STAG1: variants seen among roughly 807,000 people sequenced by gnomAD.
STAG1 encodes cohesin subunit SA-1.
STAG1 carries 26 observed loss-of-function variants against 170.9 expected under a neutral mutation model. The ratio of observed to expected loss-of-function variants is 0.15; its 90% CI spans 0.11 to 0.21. STAG1 has a LOEUF of 0.21. Ranked by LOEUF, STAG1 falls within the 10% of genes least tolerant of loss-of-function variation. STAG1 has a pLI of 1.00. For missense variants in STAG1, 964 were observed against 1,509.5 expected, an observed-to-expected ratio of 0.64 and a Z score of 5.99; for synonymous variants, 514 against 497.7, an observed-to-expected ratio of 1.03 and a Z score of -0.44.
At chr3:136,481,832 T>C (rs1185699932) in intron 9 of STAG1, among the ~76,000 whole-genome samples, 1 of 74,330 alleles carries the variant, frequency 1.3e-5, no homozygotes, top group Non-Finnish European at 2.7e-5. Context: ...TCGAGGAATG[T>C]ATCCATTTCT....
chr3:136,440,199 G>A (rs1294746706), intron 15 of STAG1, among the ~76,000 whole-genome samples: 5 of 152,076 alleles, frequency 3.3e-5, no homozygotes, highest in South Asian at 4.1e-4. Flanking sequence ...GGGCAGTGGC[G>A]CAATCCTGGC....
intron 1 of STAG1, among the ~76,000 whole-genome samples, chr3:136,671,299 GCA>G (rs146540384): frequency 1.3e-5 from 2 of 151,380 alleles, no homozygotes; most frequent in Non-Finnish European, 2.9e-5. Context: ...TAAAAAGAAA[GCA>G]CACACACACA....
intron 5 of STAG1, among the ~76,000 whole-genome samples, chr3:136,555,457 G>A (rs1261198580): frequency 6.6e-6 from 1 of 152,068 alleles, no homozygotes; most frequent in Non-Finnish European, 1.5e-5. Context: ...GCTAAGGCAA[G>A]CAGATCACTG....
chr3:136,733,269 A>T (rs1934146759), intron 1 of STAG1, among the ~76,000 whole-genome samples: 1 of 151,566 alleles, frequency 6.6e-6, no homozygotes, highest in African/African-American at 2.4e-5. Flanking sequence ...ATTTTTTTGT[A>T]GAGACAGGGT....
chr3:136,696,750 T>C (rs532747006), intron 1 of STAG1, among the ~76,000 whole-genome samples: 1 of 152,310 alleles, frequency 6.6e-6, no homozygotes, highest in Admixed American at 6.5e-5. Context: ...AAATGCACTG[T>C]GCTTAATAAA....
rs939833094 is a variant in STAG1 at position 136,502,832 on chromosome 3, A to G, written c.677-53T>C. ...CTATGAATCAAAACTTTATCCATAT[A>G]AGATTACAAATTTATAAAGCCAATG... On this transcript the variant is annotated intron_variant, in intron 7 of 33. Coordinates refer to ENST00000383202, the MANE Select transcript of STAG1 (RefSeq NM_005862.3). The G allele has an allele frequency of 5.9e-6, 8 of 1,352,938 alleles. No homozygotes were observed. In the Admixed American group the frequency reaches 2.1e-4, roughly 35 times the overall value. 83.8% of individuals were successfully genotyped at this position (1,352,938 alleles called of 1,614,324 possible).
intron 5 of STAG1, among the ~76,000 whole-genome samples, chr3:136,560,081 G>T (rs1176273696): frequency 6.6e-6 from 1 of 152,112 alleles, no homozygotes; most frequent in Non-Finnish European, 1.5e-5. Flanking sequence ...CAGCGAACTG[G>T]GTTAAGTTCA....
rs141351338 is a variant in STAG1 at position 136,738,832 on chromosome 3, TATTA to T, written c.-84+13359_-84+13362del. ...AAATAAATATGTGAAGAAAAGTATA[TATTA>T]ATTAATTAGCATGATTTAGCCATTC... On this transcript the variant is annotated intron_variant, in intron 1 of 33. Transcript: ENST00000383202. Among the ~76,000 whole-genome samples the T allele has an allele frequency of 9.1e-3, 1,384 of 152,286 alleles. 26 individuals carry two copies. Among genetic ancestry groups the T allele is most frequent in the African/African-American group, 0.03 (1,232 of 41,550 alleles).
Position 136,343,925 on chromosome 3 carries a change from G to T in STAG1, c.3353C>A (p.Thr1118Lys). The change falls in exon 30 of 34, where the codon ACA becomes AAA. Residue 1118 changes from threonine to lysine, a missense_variant. Physicochemically the swap from Thr to Lys is moderately conservative, Grantham distance 78 (BLOSUM62 -1). Around this residue, in one of 11 missense-constraint regions of STAG1, gnomAD observed 122 missense variants for 129.0 expected, o/e 0.95. Transcript: ENST00000383202. ...ACTGTTCTCCCGCAGTACAGTGGAT[G>T]TGAGTTGTGGTGCTGGCAGGGGGCC... ...TPGPLPAPQLTSTVLRENSRP... is the reference protein window; with the variant it reads ...TPGPLPAPQLKSTVLRENSRP... The T allele has an allele frequency of 1.9e-6, 3 of 1,612,198 alleles. No homozygotes were observed. Among genetic ancestry groups the T allele is most frequent in the Non-Finnish European group, 2.5e-6 (3 of 1,179,212 alleles).
intron 1 of STAG1, among the ~76,000 whole-genome samples, chr3:136,657,087 G>C (rs1941405070): frequency 6.6e-6 from 1 of 150,440 alleles, no homozygotes; most frequent in Non-Finnish European, 1.5e-5. Context: ...TAAGAACTAT[G>C]AGAAGAATTG....
chr3:136,575,881 A>G (rs1400193001), intron 4 of STAG1, among the ~76,000 whole-genome samples: 1 of 152,198 alleles, frequency 6.6e-6, no homozygotes, highest in East Asian at 1.9e-4. Context: ...GAAGTAGAGA[A>G]ATGGAGTCTC....
intron 16 of STAG1, among the ~76,000 whole-genome samples, chr3:136,424,438 G>A (rs776595949): frequency 3.3e-5 from 5 of 151,194 alleles, no homozygotes; most frequent in Non-Finnish European, 5.9e-5. Context: ...GGGTTTGAGC[G>A]ATTCTCCTGC....
Position 136,651,376 on chromosome 3 carries a change from T to A in STAG1, c.-83-20395A>T, listed in dbSNP as rs868507788. Among the ~76,000 whole-genome samples the A allele has an allele frequency of 5.9e-3, 721 of 121,900 alleles. 6 individuals are homozygous for A. The highest frequency in any genetic ancestry group is 0.017 in the African/African-American group (586 of 34,110). 80.0% of individuals were successfully genotyped at this position (121,900 alleles called of 152,430 possible). ...GCAAGACCCTATCTCACCAAAAATT[T>A]AAAAAAAAAAAAAAAAAAGAATCAT... is the stretch of plus-strand genomic sequence containing the variant. On this transcript the variant is annotated intron_variant, in intron 1 of 33. Transcript: ENST00000383202.
chr3:136,540,175 A>C (rs1935822139), intron 6 of STAG1, among the ~76,000 whole-genome samples: 1 of 152,128 alleles, frequency 6.6e-6, no homozygotes, highest in South Asian at 2.1e-4. Context: ...CATTTAAACC[A>C]AGTTTCTCGG....
Position 136,719,259 on chromosome 3 carries a change from A to G in STAG1, c.-84+32936T>C, listed in dbSNP as rs144974536. ...AAACATTGCTAAATAAAAGCCAAACATAAGAGCATATAAATGATTCCAATT... is the reference window on the plus strand; with the variant it reads ...AAACATTGCTAAATAAAAGCCAAACGTAAGAGCATATAAATGATTCCAATT... On this transcript the variant is annotated intron_variant, in intron 1 of 33. Transcript: ENST00000383202. Among the ~76,000 whole-genome samples, 19 of 152,314 alleles carry G rather than the reference A, an allele frequency of 1.2e-4. No individual in the cohort carries two copies. The East Asian group carries it at 3.3e-3, about 26-fold the overall frequency.
At chr3:136,407,849 T>A (rs1044851069) in intron 21 of STAG1, among the ~76,000 whole-genome samples, 16 of 147,744 alleles carry the variant, frequency 1.1e-4, no homozygotes, top group Admixed American at 9.0e-4. Context: ...TGAGCCGAGA[T>A]CACGCCACTG....
chr3:136,515,367 AAAC>A (rs1006571572), intron 7 of STAG1, among the ~76,000 whole-genome samples: 36 of 152,206 alleles, frequency 2.4e-4, no homozygotes, highest in African/African-American at 7.2e-4. Flanking sequence ...TCCATCTCAA[AAAC>A]AACAACAACA....
intron 25 of STAG1, among the ~76,000 whole-genome samples, chr3:136,366,335 T>A (rs1473265229): frequency 6.6e-6 from 1 of 152,116 alleles, no homozygotes; most frequent in Non-Finnish European, 1.5e-5. Context: ...ATGGCAGTCA[T>A]TCATTATCAG....
intron 29 of STAG1, among the ~76,000 whole-genome samples, chr3:136,344,787 T>A (rs1936149431): frequency 1.3e-5 from 2 of 151,962 alleles, no homozygotes; most frequent in Non-Finnish European, 2.9e-5. Flanking sequence ...CTCATTTTTA[T>A]ATTTTTAGGA....
Sources: allele counts gnomAD v4.1 joint callset (sites outside exome capture counted in the v4.1 genomes callset), GRCh38; gene constraint gnomAD v4.1.1; regional missense constraint gnomAD v4.1.1; transcripts MANE v1.5; gene names NCBI Gene and HGNC (gene_info 2026-07-23, HGNC 2026-07-21).